The following PALLD variants were observed in gnomAD, a reference collection of about 807,000 sequenced individuals.
PALLD encodes palladin.
In PALLD, 61 loss-of-function variants were observed where a neutral mutation model predicts 123.5. The ratio of observed to expected loss-of-function variants is 0.49; its 90% CI spans 0.40 to 0.61. PALLD has a LOEUF of 0.61. Among genes scored for constraint, PALLD ranks in the 20% least tolerant of loss-of-function variants. The pLI is 0.00. For synonymous variants in PALLD, 465 were observed against 496.4 expected (o/e 0.94, Z 0.84); for missense variants, 1,273 against 1,377.0 (o/e 0.92, Z 1.20).
intron 2 of PALLD, among the ~76,000 whole-genome samples, chr4:168,518,958 T>C (rs1763267983): frequency 6.6e-6 from 1 of 152,228 alleles, no homozygotes; most frequent in Non-Finnish European, 1.5e-5. Context: ...GGATAAATTG[T>C]GATATAGTCA....
chr4:168,871,522 T>C (rs369090746), intron 10 of PALLD, among the ~76,000 whole-genome samples: 1 of 152,206 alleles, frequency 6.6e-6, no homozygotes, highest in Non-Finnish European at 1.5e-5. Flanking sequence ...AAATGTACTT[T>C]GTCTATGTTA....
At chr4:168,754,240 C>CT (rs909603015) in intron 10 of PALLD, among the ~76,000 whole-genome samples, 56 of 152,278 alleles carry the variant, frequency 3.7e-4, no homozygotes, top group African/African-American at 1.3e-3. Context: ...CTCCTGATAA[C>CT]TTTTTTTGGC....
At chr4:168,633,568 A>G (rs1776044510) in intron 2 of PALLD, among the ~76,000 whole-genome samples, 1 of 152,154 alleles carries the variant, frequency 6.6e-6, no homozygotes, top group South Asian at 2.1e-4. Flanking sequence ...TATTTGTTGT[A>G]TGGTTTTTCT....
intron 2 of PALLD, among the ~76,000 whole-genome samples, chr4:168,518,265 A>G (rs904065778): frequency 6.6e-6 from 1 of 152,122 alleles, no homozygotes; most frequent in African/African-American, 2.4e-5. Flanking sequence ...AGCCACCATC[A>G]TCTGTCTCTT....
chr4:168,767,964 A>G (rs1246458709), intron 10 of PALLD, among the ~76,000 whole-genome samples: 1 of 152,080 alleles, frequency 6.6e-6, no homozygotes, highest in Non-Finnish European at 1.5e-5. Flanking sequence ...GCTGTTATCC[A>G]TACCCACCAT....
At chr4:168,538,740 A>G (rs924335122) in intron 2 of PALLD, among the ~76,000 whole-genome samples, 1 of 152,072 alleles carries the variant, frequency 6.6e-6, no homozygotes, top group South Asian at 2.1e-4. Context: ...TTCCATCTCA[A>G]CGTTTCACAT....
At chr4:168,732,653 C>T (rs1281943687) in intron 10 of PALLD, among the ~76,000 whole-genome samples, 1 of 152,126 alleles carries the variant, frequency 6.6e-6, no homozygotes, top group Non-Finnish European at 1.5e-5. Flanking sequence ...TAAAAATGAC[C>T]TCAAAGTGAA....
intron 10 of PALLD, among the ~76,000 whole-genome samples, chr4:168,799,014 G>A (rs191791105): frequency 3.3e-5 from 5 of 152,238 alleles, no homozygotes; most frequent in East Asian, 3.8e-4. Flanking sequence ...GAGAGACTCC[G>A]GGGGTGCCTT....
chr4:168,702,548 A>C (rs1357165451), intron 8 of PALLD, among the ~76,000 whole-genome samples: 1 of 152,128 alleles, frequency 6.6e-6, no homozygotes, highest in Non-Finnish European at 1.5e-5. Context: ...GTGAAACTCC[A>C]TCTCAAAAAG....
intron 2 of PALLD, among the ~76,000 whole-genome samples, chr4:168,618,067 T>A (rs1774398788): frequency 1.3e-5 from 2 of 152,092 alleles, no homozygotes; most frequent in Non-Finnish European, 2.9e-5. Context: ...GTAACACCAA[T>A]GAGAACAGGG....
At chr4:168,645,284 C>A (rs1237362181) in intron 2 of PALLD, among the ~76,000 whole-genome samples, 1 of 152,098 alleles carries the variant, frequency 6.6e-6, no homozygotes, top group African/African-American at 2.4e-5. Flanking sequence ...ATGGTATGTG[C>A]AGCACAGTAC....
chr4:168,512,413 G>A lies in PALLD; in HGVS notation c.908+1G>A, dbSNP rs779476433. 1.2e-6 allele frequency: 2 copies of A among 1,612,484 alleles called. No individual in the cohort carries two copies. Among genetic ancestry groups the A allele is most frequent in the East Asian group, 2.2e-5 (1 of 44,848 alleles). ...CTGGAAACCCCACTCCTCGAGTCAG[G>A]TATGAATTTTTGTATTATGCATAGC... On this transcript the variant is annotated splice_donor_variant, in intron 2 of 21. Coordinates refer to ENST00000505667, the MANE Select transcript of PALLD (RefSeq NM_001166108.2). LOFTEE classifies it high-confidence loss of function.
chr4:168,905,400 G>A (rs1321664999), intron 15 of PALLD, among the ~76,000 whole-genome samples: 5 of 151,266 alleles, frequency 3.3e-5, no homozygotes, highest in African/African-American at 1.2e-4. Context: ...CGCCCGCCTC[G>A]GCCTCCCAAA....
At chr4:168,591,887 C>T (rs926267729) in intron 2 of PALLD, among the ~76,000 whole-genome samples, 7 of 151,864 alleles carry the variant, frequency 4.6e-5, no homozygotes, top group Non-Finnish European at 7.4e-5. Flanking sequence ...AAATAAAAGA[C>T]GAGGCTTTGG....
chr4:168,926,700 T>TATC lies in PALLD; in HGVS notation c.*521_*523dup. On this transcript the variant is annotated 3_prime_UTR_variant, in exon 22 of 22. Coordinates refer to ENST00000505667, the MANE Select transcript of PALLD (RefSeq NM_001166108.2). ...GTTCACAGGTAACTACAATTTGTAT[T>TATC]ATCTACAAGTGCCTTTAAACACAAG... 3.0e-6 allele frequency: 1 copy of TATC among 335,106 alleles called. No individual in the cohort carries two copies. The allele number at this position is 335,106 out of a possible 1,614,324, so 20.8% of individuals were successfully genotyped here. A position where few individuals can be genotyped will look rare whatever the true frequency, so the allele number is the denominator to read the frequency against.
chr4:168,875,789 G>A (rs1581859827), intron 10 of PALLD, among the ~76,000 whole-genome samples: 1 of 152,338 alleles, frequency 6.6e-6, no homozygotes, highest in Non-Finnish European at 1.5e-5. Context: ...CCATGGAGAA[G>A]TTGAGAACCA....
chr4:168,550,237 A>G (rs1457456776), intron 2 of PALLD, among the ~76,000 whole-genome samples: 1 of 152,052 alleles, frequency 6.6e-6, no homozygotes, highest in Non-Finnish European at 1.5e-5. Flanking sequence ...CCTAAGTTAA[A>G]AGGGATGACT....
chr4:168,567,055 T>C (rs1195042539), intron 2 of PALLD, among the ~76,000 whole-genome samples: 1 of 152,188 alleles, frequency 6.6e-6, no homozygotes, highest in South Asian at 2.1e-4. Flanking sequence ...TTACCTTACT[T>C]GAACAGTGAG....
intron 2 of PALLD, among the ~76,000 whole-genome samples, chr4:168,659,483 A>G (rs566718199): frequency 6.6e-6 from 1 of 152,204 alleles, no homozygotes; most frequent in Non-Finnish European, 1.5e-5. Context: ...CCCTTTGAAG[A>G]TACATTTTGT....
Sources: gnomAD v4.1 joint callset for allele counts (sites outside exome capture counted in the v4.1 genomes callset) on GRCh38, gnomAD v4.1.1 for gene constraint, MANE v1.5 for transcripts, NCBI Gene and HGNC (gene_info 2026-07-23, HGNC 2026-07-21) for gene names.